CORIN: variants seen among roughly 807,000 people sequenced by gnomAD.
CORIN encodes the protein atrial natriuretic peptide-converting enzyme.
CORIN carries 117 observed loss-of-function variants against 125.3 expected under a neutral mutation model. The observed-to-expected ratio is 0.93, with a 90% confidence interval of 0.80 to 1.09. The LOEUF (loss-of-function observed/expected upper bound fraction) is 1.09, where lower values mean the gene tolerates loss of function less well. Among genes scored for constraint, CORIN ranks in the 50% least tolerant of loss-of-function variants. The pLI is 0.00. For synonymous variants in CORIN, 450 were observed against 466.4 expected (o/e 0.96, Z 0.45); for missense variants, 1,253 against 1,306.7 (o/e 0.96, Z 0.63).
intron 5 of CORIN, among the ~76,000 whole-genome samples, chr4:47,702,941 T>C (rs1726375171): frequency 6.6e-6 from 1 of 152,188 alleles, no homozygotes; most frequent in African/African-American, 2.4e-5. Context: ...TATTATACTT[T>C]AAGTTCTGGG....
chr4:47,831,092 G>C (rs1310482461), intron 1 of CORIN, among the ~76,000 whole-genome samples: 6 of 152,136 alleles, frequency 3.9e-5, no homozygotes, highest in African/African-American at 1.2e-4. Flanking sequence ...ATGTCATCTT[G>C]AGCCTCTTAC....
At chr4:47,748,731 T>C (rs1310056719) in intron 4 of CORIN, among the ~76,000 whole-genome samples, 2 of 152,196 alleles carry the variant, frequency 1.3e-5, no homozygotes, top group Non-Finnish European at 2.9e-5. Flanking sequence ...ACATAAAGTT[T>C]AAATTATGAA....
rs951852393 is a variant in CORIN at position 47,720,219 on chromosome 4, C to A, written c.799+24183G>T. 3.3e-5 allele frequency among the ~76,000 whole-genome samples: 5 copies of A among 152,122 alleles called. No homozygotes were observed. In the East Asian group the frequency reaches 9.6e-4, roughly 29 times the overall value. On this transcript the variant is annotated intron_variant, in intron 5 of 21. Coordinates refer to ENST00000273857, the MANE Select transcript of CORIN (RefSeq NM_006587.4). ...TTTTGAGGCTCTTTTATTTTTATCA[C>A]TACTTATTCTGTACTGGGCAGATCT... is the stretch of plus-strand genomic sequence containing the variant.
At chr4:47,680,824 T>C (rs1485987390) in intron 7 of CORIN, 1 of 152,646 alleles carries the variant, frequency 6.6e-6, no homozygotes, top group Non-Finnish European at 1.5e-5. Flanking sequence ...TGATCATAGC[T>C]CACTGCAGCC....
At chr4:47,688,142 G>A (rs1381736024) in intron 6 of CORIN, among the ~76,000 whole-genome samples, 1 of 152,122 alleles carries the variant, frequency 6.6e-6, no homozygotes, top group Non-Finnish European at 1.5e-5. Context: ...TGAGTGCAAG[G>A]CCTAGCTTTA....
At chr4:47,796,058 G>A (rs1183332419) in intron 2 of CORIN, among the ~76,000 whole-genome samples, 1 of 151,912 alleles carries the variant, frequency 6.6e-6, no homozygotes, top group Non-Finnish European at 1.5e-5. Context: ...AGAATGGAAG[G>A]TCCTTCAAAA....
chr4:47,682,099 G>C (rs192609959), intron 7 of CORIN: 1 of 152,320 alleles, frequency 6.6e-6, no homozygotes, highest in East Asian at 1.9e-4. Flanking sequence ...TGGAAATAGA[G>C]AGTAGAACAG....
At chr4:47,782,558 A>C (rs1029467648) in intron 3 of CORIN, among the ~76,000 whole-genome samples, 3 of 152,230 alleles carry the variant, frequency 2.0e-5, no homozygotes, top group African/African-American at 7.2e-5. Context: ...AACCCAAGAG[A>C]ACCAGAAACG....
intron 3 of CORIN, among the ~76,000 whole-genome samples, chr4:47,784,857 C>T (rs748798499): frequency 3.3e-5 from 5 of 152,168 alleles, no homozygotes; most frequent in Admixed American, 1.3e-4. Flanking sequence ...CACTGGTAAA[C>T]ACTATGCACA....
chr4:47,728,150 A>G (rs935960792), intron 5 of CORIN, among the ~76,000 whole-genome samples: 6 of 152,304 alleles, frequency 3.9e-5, no homozygotes, highest in African/African-American at 1.4e-4. Context: ...ATGAAGTCAC[A>G]ATTTCAAAAG....
At chr4:47,620,434 A>G (rs555212211) in intron 19 of CORIN, among the ~76,000 whole-genome samples, 1 of 152,364 alleles carries the variant, frequency 6.6e-6, no homozygotes, top group African/African-American at 2.4e-5. Context: ...TCCATGATAT[A>G]TTGCTCCATG....
intron 19 of CORIN, among the ~76,000 whole-genome samples, chr4:47,604,086 G>T (rs1721553318): frequency 6.6e-6 from 1 of 152,228 alleles, no homozygotes; most frequent in South Asian, 2.1e-4. Context: ...ACCTCCTACA[G>T]ATTTCCAGCT....
At chr4:47,647,944 TA>T (rs946316364) in intron 13 of CORIN, among the ~76,000 whole-genome samples, 2 of 152,222 alleles carry the variant, frequency 1.3e-5, no homozygotes, top group African/African-American at 4.8e-5. Context: ...CTATAAACAT[TA>T]AAGGAATACT....
chr4:47,641,168 C>G (rs755510717), intron 16 of CORIN, among the ~76,000 whole-genome samples: 9 of 152,124 alleles, frequency 5.9e-5, no homozygotes, highest in Non-Finnish European at 1.2e-4. Context: ...AAAATTGTTT[C>G]AAGTTTGTTC....
At chr4:47,739,499 G>C (rs985288804) in intron 5 of CORIN, among the ~76,000 whole-genome samples, 1 of 151,982 alleles carries the variant, frequency 6.6e-6, no homozygotes, top group Non-Finnish European at 1.5e-5. Flanking sequence ...ATAAACAAAA[G>C]TGGAGAGAAT....
chr4:47,821,157 C>A (rs563264862), intron 1 of CORIN, among the ~76,000 whole-genome samples: 21 of 152,066 alleles, frequency 1.4e-4, no homozygotes, highest in African/African-American at 3.9e-4. Context: ...ATCGCTTGAA[C>A]CCGGGAGGCA....
At chr4:47,686,056 T>C (rs1440989239) in intron 6 of CORIN, among the ~76,000 whole-genome samples, 2 of 148,304 alleles carry the variant, frequency 1.3e-5, no homozygotes, top group Admixed American at 6.9e-5. Flanking sequence ...CATCCCATAC[T>C]AGATGACGAT....
At chr4:47,776,960 A>G (rs191632234) in intron 3 of CORIN, among the ~76,000 whole-genome samples, 3 of 152,374 alleles carry the variant, frequency 2.0e-5, no homozygotes, top group African/African-American at 7.2e-5. Context: ...TTAAAATGGT[A>G]TGAATTAGCA....
chr4:47,809,712 T>G (rs189908259), intron 1 of CORIN, among the ~76,000 whole-genome samples: 1 of 152,108 alleles, frequency 6.6e-6, no homozygotes, highest in Non-Finnish European at 1.5e-5. Flanking sequence ...AGCCAGAGAA[T>G]TGATTGCTTT....
Sources: gnomAD v4.1 joint callset for allele counts (sites outside exome capture counted in the v4.1 genomes callset) on GRCh38, gnomAD v4.1.1 for gene constraint, MANE v1.5 for transcripts, NCBI Gene and HGNC (gene_info 2026-07-23, HGNC 2026-07-21) for gene names.